MACROD2: variants seen among roughly 807,000 people sequenced by gnomAD.
The protein encoded by MACROD2 is ADP-ribose glycohydrolase MACROD2.
MACROD2 carries 36 observed loss-of-function variants against 70.4 expected under a neutral mutation model. That is an observed-to-expected ratio of 0.51 (90% confidence interval 0.39 to 0.68). MACROD2 has a LOEUF of 0.68. Among genes scored for constraint, MACROD2 ranks in the 30% least tolerant of loss-of-function variants. MACROD2 has a pLI of 0.00. For missense variants in MACROD2, 496 were observed against 538.4 expected (o/e 0.92, Z 0.78); for synonymous variants, 172 against 178.8 (o/e 0.96, Z 0.30).
At chr20:14,027,364 C>CT (rs2053184858) in intron 2 of MACROD2, among the ~76,000 whole-genome samples, 1 of 151,986 alleles carries the variant, frequency 6.6e-6, no homozygotes, top group South Asian at 2.1e-4. Flanking sequence ...TTCCTCTAAC[C>CT]TTTTTTCAAG....
At chr20:15,564,256 T>G (rs888946489) in intron 8 of MACROD2, among the ~76,000 whole-genome samples, 7 of 152,164 alleles carry the variant, frequency 4.6e-5, no homozygotes, top group African/African-American at 1.4e-4. Flanking sequence ...CTTCGCTCAT[T>G]TTTGTCACTA....
chr20:14,948,595 G>A (rs2074451488), intron 5 of MACROD2, among the ~76,000 whole-genome samples: 1 of 152,132 alleles, frequency 6.6e-6, no homozygotes, highest in Non-Finnish European at 1.5e-5. Context: ...TCTGTCTTCT[G>A]GTCTTTTGCT....
intron 3 of MACROD2, among the ~76,000 whole-genome samples, chr20:14,462,980 CT>C (rs1176046209): frequency 6.6e-6 from 1 of 152,180 alleles, no homozygotes; most frequent in East Asian, 1.9e-4. Flanking sequence ...ATGCCTCCAG[CT>C]TTGTTCTTTT....
intron 5 of MACROD2, among the ~76,000 whole-genome samples, chr20:14,810,652 C>G (rs1177744899): frequency 6.6e-6 from 1 of 152,074 alleles, no homozygotes; most frequent in Non-Finnish European, 1.5e-5. Flanking sequence ...GTCAAATTAT[C>G]TCTGTTTGCA....
intron 15 of MACROD2, among the ~76,000 whole-genome samples, chr20:15,998,919 T>A (rs113603274): frequency 0.016 from 2,477 of 152,254 alleles, 29 homozygotes; most frequent in Admixed American, 0.029. Context: ...TAATTTTTTT[T>A]AAAAACCTCA....
At chr20:14,001,723 G>A (rs370216101) in intron 1 of MACROD2, among the ~76,000 whole-genome samples, 5 of 152,066 alleles carry the variant, frequency 3.3e-5, no homozygotes, top group Admixed American at 6.6e-5. Context: ...AAGATGAAGC[G>A]GAGGGAGCTT....
rs11468103 is a variant in MACROD2, at chr20:15,073,466, AACACACACACACAC to A, written c.419-156443_419-156430del. 2.7e-3 allele frequency among the ~76,000 whole-genome samples: 389 copies of A among 144,054 alleles called. 4 individuals carry two copies. The highest frequency in any genetic ancestry group is 0.016 in the South Asian group (70 of 4,384). The allele number at this position is 144,054 out of a possible 152,430, so 94.5% of individuals were successfully genotyped here. A position where few individuals can be genotyped will look rare whatever the true frequency, so the allele number is the denominator to read the frequency against. On this transcript the variant is annotated intron_variant, in intron 5 of 17. Transcript: ENST00000684519. ...ATTATTTCAGAAGTGTAATTCTCCC[AACACACACACACAC>A]ACACACACACACACACACACACACA...
chr20:14,511,233 G>A (rs2085026340), intron 4 of MACROD2, among the ~76,000 whole-genome samples: 1 of 152,012 alleles, frequency 6.6e-6, no homozygotes, highest in Admixed American at 6.6e-5. Context: ...AAGAAAACAT[G>A]TAACTTAATT....
In MACROD2 at chr20:15,749,770, C is replaced by T. The variant is rs184496660; in HGVS notation, c.646-112975C>T. Among the ~76,000 whole-genome samples the T allele has an allele frequency of 2.2e-3, 330 of 152,044 alleles. 1 individual carries two copies. The highest frequency in any genetic ancestry group is 8.2e-3 in the Admixed American group (125 of 15,256). On this transcript the variant is annotated intron_variant, in intron 8 of 17. Coordinates refer to ENST00000684519, the MANE Select transcript of MACROD2 (RefSeq NM_001351661.2). ...GTAGGGCTTTTTCATTACATTAAAACAATAACAGTCCTGGGAATACTGACT... is the reference window on the plus strand; with the variant it reads ...GTAGGGCTTTTTCATTACATTAAAATAATAACAGTCCTGGGAATACTGACT...
At chr20:14,408,491 T>C (rs2083714730) in intron 3 of MACROD2, among the ~76,000 whole-genome samples, 1 of 151,386 alleles carries the variant, frequency 6.6e-6, no homozygotes, top group South Asian at 2.1e-4. Context: ...CAATTCCTTT[T>C]TGAGATAAGA....
At chr20:14,669,170 A>T (rs948661721) in intron 4 of MACROD2, among the ~76,000 whole-genome samples, 1 of 152,152 alleles carries the variant, frequency 6.6e-6, no homozygotes, top group Non-Finnish European at 1.5e-5. Context: ...TGTCATCTTT[A>T]TGTGTGTAGT....
intron 13 of MACROD2, among the ~76,000 whole-genome samples, chr20:15,981,903 G>T (rs1601263950): frequency 1.3e-5 from 2 of 151,850 alleles, no homozygotes; most frequent in South Asian, 4.2e-4. Context: ...TTAATCTTCT[G>T]TTCAAGTAGC....
At chr20:15,399,839 A>G (rs1237543165) in intron 6 of MACROD2, among the ~76,000 whole-genome samples, 2 of 152,220 alleles carry the variant, frequency 1.3e-5, no homozygotes, top group East Asian at 3.8e-4. Context: ...AAGGCCTCCA[A>G]GGACTCTTCC....
At chr20:14,430,105 T>C (rs111781665) in intron 3 of MACROD2, among the ~76,000 whole-genome samples, 165 of 152,310 alleles carry the variant, frequency 1.1e-3, no homozygotes, top group African/African-American at 3.9e-3. Context: ...AATCAAGTTG[T>C]GCAGATTAAG....
chr20:15,433,871 A>G (rs2046395265), intron 7 of MACROD2, among the ~76,000 whole-genome samples: 1 of 152,052 alleles, frequency 6.6e-6, no homozygotes, highest in Non-Finnish European at 1.5e-5. Flanking sequence ...GAACAGAATA[A>G]AGAATCCAGA....
intron 7 of MACROD2, among the ~76,000 whole-genome samples, chr20:15,442,932 G>A (rs6135412): frequency 6.6e-6 from 1 of 152,040 alleles, no homozygotes; most frequent in African/African-American, 2.4e-5. Flanking sequence ...TAAGGCATAA[G>A]GACAGTGATC....
chr20:14,303,116 A>G (rs1165649470), intron 3 of MACROD2, among the ~76,000 whole-genome samples: 1 of 152,122 alleles, frequency 6.6e-6, no homozygotes, highest in African/African-American at 2.4e-5. Context: ...TTTATGGTAA[A>G]GGCAGAACAT....
chr20:15,267,744 G>A (rs1341722306), intron 6 of MACROD2, among the ~76,000 whole-genome samples: 1 of 152,036 alleles, frequency 6.6e-6, no homozygotes, highest in South Asian at 2.1e-4. Context: ...GAGAACTTCC[G>A]ACTGACCTGA....
intron 2 of MACROD2, among the ~76,000 whole-genome samples, chr20:14,036,506 T>C (rs1879835796): frequency 6.6e-6 from 1 of 152,210 alleles, no homozygotes; most frequent in Non-Finnish European, 1.5e-5. Flanking sequence ...AGATGTTATA[T>C]TCATCTCATA....
Sources: allele counts gnomAD v4.1 joint callset (sites outside exome capture counted in the v4.1 genomes callset), GRCh38; gene constraint gnomAD v4.1.1; transcripts MANE v1.5; gene names NCBI Gene and HGNC (gene_info 2026-07-23, HGNC 2026-07-21).